Variants in HIVEP3 observed in about 807,000 individuals in gnomAD.
HIVEP3 encodes transcription factor HIVEP3.
A neutral mutation model predicts 152.8 loss-of-function variants in HIVEP3; 49 were observed. The ratio of observed to expected loss-of-function variants is 0.32; its 90% CI spans 0.26 to 0.41. The LOEUF (loss-of-function observed/expected upper bound fraction) is 0.41. Ranked by LOEUF, HIVEP3 falls within the 10% of genes least tolerant of loss-of-function variation. The pLI is 1.00. For missense variants in HIVEP3, 2,790 were observed against 3,103.3 expected (o/e 0.90, Z 2.40); for synonymous variants, 1,269 against 1,289.0 (o/e 0.98, Z 0.33).
Position 41,580,127 on chromosome 1 carries a change from C to T in HIVEP3, c.4671G>A (p.Lys1557=), listed in dbSNP as rs573083888. Residue 1557 remains lysine (K), a synonymous_variant, in exon 4 of 9, where the codon AAG becomes AAA. Transcript: ENST00000372583. The part of the protein sequence containing the change: ...TPLSVKKEDS[K]EQPDLPSLAP... ...CCAAGGAGGGGAGATCAGGTTGTTCCTTGGAATCTTCTTTCTTCACGCTCA... is the reference window on the plus strand; with the variant it reads ...CCAAGGAGGGGAGATCAGGTTGTTCTTTGGAATCTTCTTTCTTCACGCTCA... 1 of 1,614,064 alleles carries T rather than the reference C, an allele frequency of 6.2e-7. No homozygotes were observed. The highest frequency in any genetic ancestry group is 8.5e-7 in the Non-Finnish European group (1 of 1,179,966).
rs531075597 is a variant in HIVEP3, at chr1:41,823,670, G to C, written c.-801+94743C>G. Among the ~76,000 whole-genome samples, 8 of 152,290 alleles carry C rather than the reference G, an allele frequency of 5.3e-5. No individual in the cohort carries two copies. The South Asian group carries it at 1.0e-3, about 20-fold the overall frequency. The stretch of plus-strand genomic sequence containing the variant: ...GTGGTGACCTCAAGGGGAGGGGCAG[G>C]GTGCAGAGAGGAATTCTGCCTGGGC... On this transcript the variant is annotated intron_variant, in intron 1 of 8. Coordinates refer to ENST00000372583, the MANE Select transcript of HIVEP3 (RefSeq NM_024503.5).
At chr1:41,613,393 T>G (rs1644924419) in intron 3 of HIVEP3, among the ~76,000 whole-genome samples, 1 of 152,230 alleles carries the variant, frequency 6.6e-6, no homozygotes, top group African/African-American at 2.4e-5. Flanking sequence ...TCTTTTCACA[T>G]GCCCATCTCC....
chr1:41,830,190 G>T (rs1642920845), intron 1 of HIVEP3, among the ~76,000 whole-genome samples: 1 of 152,180 alleles, frequency 6.6e-6, no homozygotes, highest in South Asian at 2.1e-4. Flanking sequence ...CTATCTCTCT[G>T]TCTACTTGTG....
intron 1 of HIVEP3, among the ~76,000 whole-genome samples, chr1:41,825,462 G>A (rs1308457346): frequency 6.6e-6 from 1 of 152,088 alleles, no homozygotes; most frequent in Non-Finnish European, 1.5e-5. Context: ...AGTAGAGATG[G>A]GGTTTCTACT....
chr1:41,631,658 C>T (rs1645196773), intron 2 of HIVEP3, among the ~76,000 whole-genome samples: 1 of 152,160 alleles, frequency 6.6e-6, no homozygotes, highest in Non-Finnish European at 1.5e-5. Flanking sequence ...CTCCTACCCC[C>T]AGGGCAGCAT....
chr1:41,974,471 C>T (rs1206974276), intron 1 of HIVEP3, among the ~76,000 whole-genome samples: 1 of 143,324 alleles, frequency 7.0e-6, no homozygotes, highest in Admixed American at 7.1e-5. Context: ...ACATCCATAA[C>T]CCCACTCCAC....
chr1:41,529,461 C>T (rs1643164966), intron 5 of HIVEP3, among the ~76,000 whole-genome samples: 1 of 127,456 alleles, frequency 7.8e-6, no homozygotes, highest in Non-Finnish European at 1.7e-5. Context: ...CCCTCACACT[C>T]CCCCCAAACT....
chr1:41,705,186 C>A (rs927787316), intron 1 of HIVEP3, among the ~76,000 whole-genome samples: 2 of 152,234 alleles, frequency 1.3e-5, no homozygotes, highest in African/African-American at 4.8e-5. Context: ...ACTCACGGAG[C>A]CTGGATGGAC....
At chr1:41,848,391 T>C (rs1317987203) in intron 1 of HIVEP3, 1 of 152,214 alleles carries the variant, frequency 6.6e-6, no homozygotes, top group African/African-American at 2.4e-5. Flanking sequence ...CTCCATTCAG[T>C]GGGTTCTGGA....
chr1:41,599,604 A>G (rs1644716651), intron 3 of HIVEP3, among the ~76,000 whole-genome samples: 1 of 152,162 alleles, frequency 6.6e-6, no homozygotes, highest in African/African-American at 2.4e-5. Flanking sequence ...CAAAGACCTA[A>G]ACTCAGAGAT....
chr1:41,975,212 GC>G (rs1250296930), intron 1 of HIVEP3, among the ~76,000 whole-genome samples: 1 of 152,066 alleles, frequency 6.6e-6, no homozygotes, highest in African/African-American at 2.4e-5. Flanking sequence ...CAGTTCAACT[GC>G]CCCCCTCTAC....
chr1:41,723,146 C>A (rs112734147), intron 1 of HIVEP3, among the ~76,000 whole-genome samples: 1 of 129,798 alleles, frequency 7.7e-6, no homozygotes, highest in Non-Finnish European at 1.5e-5. Context: ...TTAGAGGGGG[C>A]ATGGTGGTGG....
At chr1:42,034,789 A>T (rs1018970865) in intron 1 of HIVEP3, among the ~76,000 whole-genome samples, 2 of 152,206 alleles carry the variant, frequency 1.3e-5, no homozygotes, top group Non-Finnish European at 2.9e-5. Flanking sequence ...CACTCAGTTA[A>T]TCAGCAACAC....
At chr1:41,644,043 C>T (rs2149158540) in intron 2 of HIVEP3, among the ~76,000 whole-genome samples, 1 of 152,130 alleles carries the variant, frequency 6.6e-6, no homozygotes, top group South Asian at 2.1e-4. Context: ...CGTGCCACCA[C>T]ACCCAGCTAA....
intron 1 of HIVEP3, among the ~76,000 whole-genome samples, chr1:41,776,058 T>G (rs1359343588): frequency 6.6e-6 from 1 of 152,204 alleles, no homozygotes; most frequent in Non-Finnish European, 1.5e-5. Flanking sequence ...AGATTTGGGT[T>G]TCCTGCAGCT....
At chr1:41,657,896 C>T (rs1645653546) in intron 2 of HIVEP3, among the ~76,000 whole-genome samples, 2 of 152,170 alleles carry the variant, frequency 1.3e-5, no homozygotes, top group Admixed American at 1.3e-4. Context: ...GGAAGGCCTG[C>T]CTGACTTCCT....
At chr1:41,615,160 G>C (rs970665289) in intron 3 of HIVEP3, among the ~76,000 whole-genome samples, 2 of 152,218 alleles carry the variant, frequency 1.3e-5, no homozygotes, top group African/African-American at 4.8e-5. Context: ...AATTGGACTT[G>C]TTTAAAGGTT....
upstream of HIVEP3, among the ~76,000 whole-genome samples, chr1:41,922,676 A>G (rs987760015): frequency 6.6e-6 from 1 of 152,194 alleles, no homozygotes; most frequent in African/African-American, 2.4e-5. Flanking sequence ...TTTATTCCAG[A>G]TTTGAATTCA....
chr1:41,743,937 G>A (rs749838189), intron 1 of HIVEP3, among the ~76,000 whole-genome samples: 2 of 152,118 alleles, frequency 1.3e-5, no homozygotes, highest in African/African-American at 4.8e-5. Flanking sequence ...CAGAAATCTC[G>A]ATTTCTACCC....
Sources: allele counts gnomAD v4.1 joint callset (sites outside exome capture counted in the v4.1 genomes callset), GRCh38; gene constraint gnomAD v4.1.1; transcripts MANE v1.5; gene names NCBI Gene and HGNC (gene_info 2026-07-23, HGNC 2026-07-21).